The following SBF2 variants were observed in gnomAD, a reference collection of about 807,000 sequenced individuals.
SBF2 encodes myotubularin-related protein 13.
Under a neutral mutation model 225.2 loss-of-function variants are expected in SBF2, and 112 were observed. The ratio of observed to expected loss-of-function variants is 0.50; its 90% CI spans 0.43 to 0.58. SBF2 has a LOEUF of 0.58. Among genes scored for constraint, SBF2 ranks in the 20% least tolerant of loss-of-function variants. The pLI is 0.00. For missense variants in SBF2, 1,996 were observed against 2,206.2 expected (o/e 0.90, Z 1.91); for synonymous variants, 763 against 773.3 (o/e 0.99, Z 0.22).
At chr11:10,253,945 C>T (rs1422791385) in intron 1 of SBF2, among the ~76,000 whole-genome samples, 5 of 152,032 alleles carry the variant, frequency 3.3e-5, no homozygotes, top group African/African-American at 1.2e-4. Flanking sequence ...GAAATATTAC[C>T]TCACATCTGT....
intron 2 of SBF2, among the ~76,000 whole-genome samples, chr11:10,155,242 G>C (rs538357064): frequency 7.8e-4 from 119 of 152,048 alleles, no homozygotes; most frequent in African/African-American, 2.8e-3. Context: ...GTTGCATTTA[G>C]TCCACAATTT....
intron 16 of SBF2, among the ~76,000 whole-genome samples, chr11:9,934,359 C>T (rs150178331): frequency 0.04 from 6,149 of 152,212 alleles, 179 homozygotes; most frequent in Middle Eastern, 0.13. Context: ...GGATTCACAA[C>T]CGAATTCTAC....
At chr11:10,144,863 C>T (rs1403163263) in intron 2 of SBF2, among the ~76,000 whole-genome samples, 1 of 152,190 alleles carries the variant, frequency 6.6e-6, no homozygotes, top group East Asian at 1.9e-4. Flanking sequence ...AACATCCTTC[C>T]AAATCCAAAA....
chr11:10,087,109 T>TG (rs980501206), intron 2 of SBF2, among the ~76,000 whole-genome samples: 20 of 152,300 alleles, frequency 1.3e-4, no homozygotes, highest in African/African-American at 4.1e-4. Flanking sequence ...TTGTCTTTTT[T>TG]TTTGTTTGTT....
intron 36 of SBF2, 134 bp downstream of exon 36, chr11:9,787,500 T>C (rs1423739369): frequency 8.1e-6 from 6 of 742,206 alleles, no homozygotes; most frequent in Non-Finnish European, 9.6e-6. Context: ...CTCCAGGACA[T>C]GACCCCTCCC....
intron 3 of SBF2, among the ~76,000 whole-genome samples, chr11:10,035,310 C>T (rs531388183): frequency 5.1e-4 from 77 of 152,172 alleles, no homozygotes; most frequent in African/African-American, 1.8e-3. Context: ...CCATAAAAAC[C>T]CTAGAAGAAA....
intron 2 of SBF2, among the ~76,000 whole-genome samples, chr11:10,067,784 C>T (rs911586624): frequency 6.6e-6 from 1 of 151,872 alleles, no homozygotes; most frequent in Non-Finnish European, 1.5e-5. Context: ...GCATCCAGCT[C>T]GAGAGGCTGA....
At chr11:10,176,617 T>C (rs1956475297) in intron 2 of SBF2, among the ~76,000 whole-genome samples, 1 of 152,132 alleles carries the variant, frequency 6.6e-6, no homozygotes, top group African/African-American at 2.4e-5. Flanking sequence ...CCTCGACATA[T>C]ACACCCTCCC....
At chr11:9,922,234 A>G (rs1158935731) in intron 16 of SBF2, among the ~76,000 whole-genome samples, 1 of 152,158 alleles carries the variant, frequency 6.6e-6, no homozygotes, top group African/African-American at 2.4e-5. Flanking sequence ...TGGGAAACAG[A>G]GCAAGACTCT....
At chr11:10,215,895 A>C (rs1958112305) in intron 1 of SBF2, among the ~76,000 whole-genome samples, 2 of 152,238 alleles carry the variant, frequency 1.3e-5, no homozygotes, top group South Asian at 4.1e-4. Flanking sequence ...CTATGTCTTT[A>C]AGAGTGCTCT....
At chr11:10,188,824 T>G (rs1957048279) in intron 2 of SBF2, among the ~76,000 whole-genome samples, 1 of 152,194 alleles carries the variant, frequency 6.6e-6, no homozygotes, top group African/African-American at 2.4e-5. Flanking sequence ...AAACCACCAT[T>G]TTCTAGCTTA....
chr11:10,067,868 G>A (rs2134788540), intron 2 of SBF2, among the ~76,000 whole-genome samples: 2 of 152,200 alleles, frequency 1.3e-5, no homozygotes, highest in Middle Eastern at 6.8e-3. Flanking sequence ...CTCCAGCCTG[G>A]CAACAAAATG....
In SBF2 at chr11:9,851,128, T is replaced by C. The variant is rs1284601084; in HGVS notation, c.2611-910A>G. ...TCCAGCCTGGGCAACAGAGCAAGAC[T>C]CCATCTCAAAAAAAAAAAAAACAAC... On this transcript the variant is annotated intron_variant, in intron 21 of 39. Coordinates refer to ENST00000256190, the MANE Select transcript of SBF2 (RefSeq NM_030962.4). Among the ~76,000 whole-genome samples the C allele has an allele frequency of 9.0e-5, 10 of 111,538 alleles. No individual in the cohort carries two copies. In the South Asian group the frequency reaches 1.5e-3, roughly 17 times the overall value. The allele number at this position is 111,538 out of a possible 152,430, so 73.2% of individuals were successfully genotyped here. A position where few individuals can be genotyped will look rare whatever the true frequency, so the allele number is the denominator to read the frequency against.
intron 6 of SBF2, among the ~76,000 whole-genome samples, chr11:10,015,619 T>TAG (rs1481361191): frequency 6.6e-6 from 1 of 152,156 alleles, no homozygotes; most frequent in Non-Finnish European, 1.5e-5. Flanking sequence ...TGAGGTAGAT[T>TAG]TTGACAGAGA....
chr11:10,273,999 C>T (rs1242905737), intron 1 of SBF2, among the ~76,000 whole-genome samples: 2 of 152,198 alleles, frequency 1.3e-5, no homozygotes, highest in South Asian at 2.1e-4. Flanking sequence ...CCTTGCAAAC[C>T]AGACTACTGA....
At chr11:10,052,725 A>G (rs1241387528) in intron 2 of SBF2, among the ~76,000 whole-genome samples, 1 of 152,192 alleles carries the variant, frequency 6.6e-6, no homozygotes, top group African/African-American at 2.4e-5. Context: ...TATTTTATAT[A>G]TAACCATATC....
At chr11:9,898,108 G>A (rs1009391890) in intron 16 of SBF2, among the ~76,000 whole-genome samples, 5 of 152,100 alleles carry the variant, frequency 3.3e-5, no homozygotes, top group Non-Finnish European at 7.3e-5. Context: ...AGAGTCAGAA[G>A]GGAAATAGGC....
At chr11:10,273,101 A>G (rs1035073172) in intron 1 of SBF2, among the ~76,000 whole-genome samples, 27 of 152,216 alleles carry the variant, frequency 1.8e-4, no homozygotes, top group African/African-American at 6.3e-4. Context: ...AAATAAATAA[A>G]TGAATAAATA....
At chr11:10,258,977 A>T (rs1961167924) in intron 1 of SBF2, among the ~76,000 whole-genome samples, 1 of 152,150 alleles carries the variant, frequency 6.6e-6, no homozygotes, top group African/African-American at 2.4e-5. Context: ...GCATAGAGAA[A>T]AGTAAGAGAT....
Sources: allele counts gnomAD v4.1 joint callset (sites outside exome capture counted in the v4.1 genomes callset), GRCh38; gene constraint gnomAD v4.1.1; transcripts MANE v1.5; gene names NCBI Gene and HGNC (gene_info 2026-07-23, HGNC 2026-07-21).